Variants in ADGRE3 observed in about 807,000 individuals in gnomAD.
ADGRE3 encodes EGF-like module receptor 3.
In ADGRE3, 88 loss-of-function variants were observed where a neutral mutation model predicts 80.1. The ratio of observed to expected loss-of-function variants is 1.10; its 90% CI spans 0.93 to 1.31. The LOEUF (loss-of-function observed/expected upper bound fraction) is 1.31, where lower values mean the gene tolerates loss of function less well. Ranked by LOEUF, ADGRE3 falls within the 40% of genes most tolerant of loss-of-function variation. ADGRE3 has a pLI of 0.00. For synonymous variants in ADGRE3, 281 were observed against 294.8 expected (o/e 0.95, Z 0.48); for missense variants, 715 against 776.5 (o/e 0.92, Z 0.94).
At chr19:14,635,238 A>G (rs1390425649) in intron 11 of ADGRE3, among the ~76,000 whole-genome samples, 1 of 151,908 alleles carries the variant, frequency 6.6e-6, no homozygotes, top group Non-Finnish European at 1.5e-5. Flanking sequence ...CTGGGACTAC[A>G]GGCATGCACC....
At chr19:14,658,774 G>A (rs1599645378) in intron 4 of ADGRE3, among the ~76,000 whole-genome samples, 1 of 151,782 alleles carries the variant, frequency 6.6e-6, no homozygotes, top group Non-Finnish European at 1.5e-5. Flanking sequence ...TCACTCTGTT[G>A]CCCAGGCTGG....
chr19:14,638,033 A>G, intron 11 of ADGRE3, 72 bp downstream of exon 11: 5 of 1,079,522 alleles, frequency 4.6e-6, no homozygotes, highest in Non-Finnish European at 7.1e-6. Flanking sequence ...TATTCCCACC[A>G]TCATCATGAA....
At chr19:14,639,021 C>T (rs1464441224) in intron 10 of ADGRE3, among the ~76,000 whole-genome samples, 1 of 152,052 alleles carries the variant, frequency 6.6e-6, no homozygotes, top group South Asian at 2.1e-4. Context: ...CCCACCTCAG[C>T]CTCCCTAGTA....
chr19:14,666,760 G>A (rs184032554), intron 2 of ADGRE3, among the ~76,000 whole-genome samples: 5 of 152,264 alleles, frequency 3.3e-5, no homozygotes, highest in Admixed American at 6.5e-5. Context: ...AATTCTCCTG[G>A]GGGGACAGGG....
At chr19:14,636,283 A>T (rs1971085828) in intron 11 of ADGRE3, among the ~76,000 whole-genome samples, 1 of 145,456 alleles carries the variant, frequency 6.9e-6, no homozygotes, top group Non-Finnish European at 1.5e-5. Flanking sequence ...GCGTTGGTAC[A>T]ATCACAGCTC....
At chr19:14,655,508 T>A (rs866204048) in intron 5 of ADGRE3, among the ~76,000 whole-genome samples, 1 of 152,138 alleles carries the variant, frequency 6.6e-6, no homozygotes, top group African/African-American at 2.4e-5. Context: ...CAGGCTAGAG[T>A]GCAGTGGTGG....
chr19:14,644,163 A>G lies in ADGRE3; in HGVS notation c.995T>C (p.Met332Thr), dbSNP rs1045235393. The change falls in exon 9 of 16, where the codon ATG (methionine) becomes ACG (threonine). Residue 332 changes from methionine (M) to threonine (T), a missense_variant. Met to Thr is a moderately conservative substitution (Grantham distance 81). Coordinates refer to ENST00000253673, the MANE Select transcript of ADGRE3 (RefSeq NM_032571.5). Reference sequence around the variant, plus strand: ...GCTGGACAGGTGACTGCAATTACACATGGTGTGACTCTTGTTCACGTGTAT... The same window carrying G: ...GCTGGACAGGTGACTGCAATTACACGTGGTGTGACTCTTGTTCACGTGTAT... ...FLIHVNKSHT[M>T]CNCSHLSSFA... 4 of 1,605,174 alleles carry G rather than the reference A, an allele frequency of 2.5e-6. No homozygotes were observed. The highest frequency in any genetic ancestry group is 1.7e-5 in the Admixed American group (1 of 58,428).
In ADGRE3 at chr19:14,630,263, AC is replaced by A. The variant is rs1970845519; in HGVS notation, c.1644-57del. The A allele has an allele frequency of 4.2e-6, 6 of 1,444,856 alleles. No homozygotes were observed. The African/African-American group carries it at 7.0e-5, about 17-fold the overall frequency. 89.5% of individuals were successfully genotyped at this position (1,444,856 alleles called of 1,614,324 possible). ...CAAAAAACTAATAATGAGCATGAAC[AC>A]CCCTCTAGTTAGCTGTTAATAGTAA... On this transcript the variant is annotated intron_variant, in intron 13 of 15. Coordinates refer to ENST00000253673, the MANE Select transcript of ADGRE3 (RefSeq NM_032571.5).
At chr19:14,615,757 T>TA (rs559844563), downstream of ADGRE3, among the ~76,000 whole-genome samples, 2,860 of 136,050 alleles carry the variant, frequency 0.021, 74 homozygotes, top group African/African-American at 0.065. Flanking sequence ...GAGACTCTGC[T>TA]AAAAAAAAAA....
At chr19:14,663,394 T>TA in intron 3 of ADGRE3, 24 bp downstream of exon 3, 1 of 1,374,812 alleles carries the variant, frequency 7.3e-7, no homozygotes, top group Non-Finnish European at 9.6e-7. Context: ...ATAATAATAA[T>TA]AAAAAATAAT....
chr19:14,674,674 C>T (rs1972346551), intron 1 of ADGRE3, 72 bp downstream of exon 1: 2 of 1,489,160 alleles, frequency 1.3e-6, no homozygotes, highest in Non-Finnish European at 1.9e-6. Context: ...GAGAAAATAA[C>T]CAATTGTTGA....
intron 7 of ADGRE3, among the ~76,000 whole-genome samples, chr19:14,649,445 T>G (rs1376553597): frequency 6.7e-6 from 1 of 149,242 alleles, no homozygotes; most frequent in East Asian, 2.0e-4. Flanking sequence ...TCTCTCCCCA[T>G]CTCTCTCTTT....
chr19:14,654,379 C>T (rs369273101), intron 6 of ADGRE3, among the ~76,000 whole-genome samples: 3 of 151,828 alleles, frequency 2.0e-5, no homozygotes, highest in East Asian at 1.9e-4. Flanking sequence ...TCCTCTCCCT[C>T]AGCCTCCCAA....
rs137869086 is a variant in ADGRE3, at chr19:14,619,762, A to T, written c.1921-291T>A. On this transcript the variant is annotated intron_variant, in intron 15 of 15. Transcript: ENST00000253673. ...CTGGATGTTTTTTTGTCTATGAAGAAAGGTTAGAGTCTTGTTGGCTTTGTT... is the reference window on the plus strand; with the variant it reads ...CTGGATGTTTTTTTGTCTATGAAGATAGGTTAGAGTCTTGTTGGCTTTGTT... 4.2e-3 allele frequency among the ~76,000 whole-genome samples: 641 copies of T among 152,290 alleles called. 3 individuals are homozygous for T. The highest frequency in any genetic ancestry group is 0.014 in the African/African-American group (573 of 41,556).
intron 15 of ADGRE3, among the ~76,000 whole-genome samples, chr19:14,620,874 C>T (rs10420780): frequency 0.42 from 63,419 of 151,290 alleles, 13,402 homozygotes; most frequent in East Asian, 0.62. Flanking sequence ...CAATGTTAAA[C>T]GATTTTCCTT....
At chr19:14,605,608 G>A in the ADGRE3 span, among the ~76,000 whole-genome samples, 1 of 151,930 alleles carries the variant, frequency 6.6e-6, no homozygotes, top group Non-Finnish European at 1.5e-5. Flanking sequence ...ATCCCTCCCT[G>A]CCCCCTACTT....
At chr19:14,621,651 G>C (rs1970610988) in intron 15 of ADGRE3, 1 of 1,003,058 alleles carries the variant, frequency 1.0e-6, no homozygotes, top group African/African-American at 2.3e-5. Context: ...TCATACTTCG[G>C]ATTGACCACA....
intron 9 of ADGRE3, among the ~76,000 whole-genome samples, chr19:14,643,474 T>C (rs931668848): frequency 2.6e-5 from 4 of 152,004 alleles, no homozygotes; most frequent in Admixed American, 2.0e-4. Context: ...TGGGGTCCTA[T>C]AGTCTGAGCA....
intron 15 of ADGRE3, among the ~76,000 whole-genome samples, chr19:14,623,812 A>G (rs926982392): frequency 6.6e-6 from 1 of 152,186 alleles, no homozygotes; most frequent in African/African-American, 2.4e-5. Flanking sequence ...TGTTTCACCC[A>G]TACATCTTCA....
Sources: gnomAD v4.1 joint callset for allele counts (sites outside exome capture counted in the v4.1 genomes callset) on GRCh38, gnomAD v4.1.1 for gene constraint, MANE v1.5 for transcripts, NCBI Gene and HGNC (gene_info 2026-07-23, HGNC 2026-07-21) for gene names.